Variants in ADAMTS9 observed in about 807,000 individuals in gnomAD.
The protein encoded by ADAMTS9 is ADAM metallopeptidase with thrombospondin type 1 motif 9.
A neutral mutation model predicts 257.1 loss-of-function variants in ADAMTS9; 107 were observed. The observed-to-expected ratio is 0.42, with a 90% confidence interval of 0.36 to 0.49. The LOEUF (loss-of-function observed/expected upper bound fraction) is 0.49, where lower values mean the gene tolerates loss of function less well. Ranked by LOEUF, ADAMTS9 falls within the 20% of genes least tolerant of loss-of-function variation. The pLI, the probability that ADAMTS9 is intolerant of heterozygous loss-of-function variation, is 0.03. For synonymous variants in ADAMTS9, 982 were observed against 880.9 expected (o/e 1.11, Z -2.03); for missense variants, 2,353 against 2,469.1 (o/e 0.95, Z 1.00).
chr3:64,546,624 C>T (rs922039870), intron 32 of ADAMTS9, 134 bp downstream of exon 32: 1 of 907,620 alleles, frequency 1.1e-6, no homozygotes, highest in Non-Finnish European at 1.6e-6. Flanking sequence ...TCCCTGTTAG[C>T]CCATTTCAAG....
chr3:64,622,687 G>A, intron 16 of ADAMTS9, 101 bp from the exon 17 acceptor site: 1 of 1,314,830 alleles, frequency 7.6e-7, no homozygotes, highest in Non-Finnish European at 1.0e-6. Context: ...GCTGTGCACG[G>A]AATGGGGACT....
At chr3:64,622,875 G>C (rs765007340) in intron 16 of ADAMTS9, among the ~76,000 whole-genome samples, 3 of 152,084 alleles carry the variant, frequency 2.0e-5, no homozygotes, top group Admixed American at 2.0e-4. Flanking sequence ...AATAAACCTT[G>C]ATCTTGTTAT....
At chr3:64,543,928 T>A (rs2083161959) in intron 32 of ADAMTS9, among the ~76,000 whole-genome samples, 1 of 152,218 alleles carries the variant, frequency 6.6e-6, no homozygotes, top group Admixed American at 6.5e-5. Context: ...AGTCTCCGGA[T>A]ACAAATACAA....
chr3:64,580,948 T>C (rs1429362997), intron 28 of ADAMTS9, among the ~76,000 whole-genome samples: 1 of 152,208 alleles, frequency 6.6e-6, no homozygotes, highest in African/African-American at 2.4e-5. Context: ...ACATGGGGCT[T>C]TGGAGTCCAT....
Position 64,548,383 on chromosome 3 carries a change from G to A in ADAMTS9, c.4870-1431C>T, listed in dbSNP as rs542166546. Among the ~76,000 whole-genome samples the A allele has an allele frequency of 3.3e-5, 5 of 152,282 alleles. 1 individual carries two copies. Among genetic ancestry groups the A allele is most frequent in the African/African-American group, 1.2e-4 (5 of 41,568 alleles). On this transcript the variant is annotated intron_variant, in intron 31 of 39. Transcript: ENST00000498707. ...TGTTTGAAGGCCAAGTTGACGCCAG[G>A]CCAGGAAAGTGTAAGGCCAGCCCGG...
chr3:64,681,513 T>C (rs1056733412), intron 2 of ADAMTS9, 150 bp from the exon 3 acceptor site: 1 of 709,106 alleles, frequency 1.4e-6, no homozygotes, highest in Middle Eastern at 2.8e-4. Flanking sequence ...CTGCAACATA[T>C]GCGGAGAAGT....
intron 2 of ADAMTS9, among the ~76,000 whole-genome samples, chr3:64,681,753 C>T (rs113747820): frequency 6.6e-6 from 1 of 152,066 alleles, no homozygotes; most frequent in African/African-American, 2.4e-5. Flanking sequence ...ATATGTTGCC[C>T]AGGCTCAATA....
At chr3:64,655,131 T>C (rs1701030648) in intron 6 of ADAMTS9, among the ~76,000 whole-genome samples, 1 of 152,226 alleles carries the variant, frequency 6.6e-6, no homozygotes, top group African/African-American at 2.4e-5. Flanking sequence ...TTTTCTGGCT[T>C]TTGCAAAATC....
chr3:64,676,867 G>A (rs1281079590), intron 3 of ADAMTS9, among the ~76,000 whole-genome samples: 3 of 152,192 alleles, frequency 2.0e-5, no homozygotes, highest in Non-Finnish European at 4.4e-5. Flanking sequence ...GAGATGGGAA[G>A]GTGAGGGAGA....
In ADAMTS9 at chr3:64,644,637, G is replaced by A. The variant is rs566375985; in HGVS notation, c.1711-2644C>T. Among the ~76,000 whole-genome samples, 39 of 152,272 alleles carry A rather than the reference G, an allele frequency of 2.6e-4. 2 individuals carry two copies. Among genetic ancestry groups the A allele is most frequent in the South Asian group, 2.3e-3 (11 of 4,826 alleles). On this transcript the variant is annotated intron_variant, in intron 11 of 39. Coordinates refer to ENST00000498707, the MANE Select transcript of ADAMTS9 (RefSeq NM_182920.2). ...TTTGAACTCTTTGGCTTCATTCTGC[G>A]GGGAAGTCAGACTCCATGGCTGGAG...
intron 20 of ADAMTS9, among the ~76,000 whole-genome samples, 168 bp downstream of exon 20, chr3:64,615,792 A>T (rs919892872): frequency 6.6e-6 from 1 of 152,154 alleles, no homozygotes; most frequent in Non-Finnish European, 1.5e-5. Flanking sequence ...GACATTACAA[A>T]TCAACCATGC....
chr3:64,656,537 T>A (rs1701074656), intron 4 of ADAMTS9, among the ~76,000 whole-genome samples: 1 of 152,118 alleles, frequency 6.6e-6, no homozygotes. Context: ...AGAAATTAAG[T>A]CACTTGTCTG....
In ADAMTS9 at chr3:64,522,231, A is replaced by G. The variant is rs2082862576; in HGVS notation, c.5748T>C (p.Gly1916=). Residue 1916 remains glycine, a synonymous_variant, in exon 39 of 40, where the codon GGT becomes GGC. Transcript: ENST00000498707. ...PDGTRVVGKC[G]GYCGKCTPSS... ...ATGGAGTGCATTTTCCACAGTAACC[A>G]CCGCATTTCCCTACGACTCGGGTAC... The G allele has an allele frequency of 6.2e-7, 1 of 1,613,874 alleles. No individual in the cohort carries two copies. Among genetic ancestry groups the G allele is most frequent in the Non-Finnish European group, 8.5e-7 (1 of 1,179,952 alleles).
rs538703809 is a variant in ADAMTS9, at chr3:64,677,712, C to A, written c.679+3489G>T. Among the ~76,000 whole-genome samples the A allele has an allele frequency of 1.0e-3, 154 of 152,254 alleles. 2 individuals are homozygous for A. Among genetic ancestry groups the A allele is most frequent in the African/African-American group, 3.4e-3 (143 of 41,548 alleles). On this transcript the variant is annotated intron_variant, in intron 3 of 39. Transcript: ENST00000498707. ...TTCATTATTTCATACTCATTTAGCC[C>A]TAACTTCAATCTTGAAAGGTACATG...
At chr3:64,591,664 A>G (rs972598204) in intron 28 of ADAMTS9, among the ~76,000 whole-genome samples, 1 of 152,128 alleles carries the variant, frequency 6.6e-6, no homozygotes, top group African/African-American at 2.4e-5. Context: ...AAGCTATATT[A>G]ATAGTGATTT....
chr3:64,580,381 G>A (rs966764005), intron 28 of ADAMTS9, among the ~76,000 whole-genome samples: 2 of 152,094 alleles, frequency 1.3e-5, no homozygotes, highest in Admixed American at 1.3e-4. Flanking sequence ...ATTTTGTAAA[G>A]TGAATTTGAT....
chr3:64,555,939 C>T (rs1388562849), intron 30 of ADAMTS9, among the ~76,000 whole-genome samples: 3 of 152,104 alleles, frequency 2.0e-5, no homozygotes, highest in Non-Finnish European at 4.4e-5. Flanking sequence ...GATTGATAAA[C>T]GCTGGTTGAA....
In ADAMTS9 at chr3:64,656,150, G is replaced by T. The variant is rs1701064200; in HGVS notation, c.970-275C>A. The T allele has an allele frequency of 1.1e-5, 3 of 274,820 alleles. No individual in the cohort carries two copies. In the East Asian group the frequency reaches 2.3e-4, roughly 21 times the overall value. The allele number at this position is 274,820 out of a possible 1,614,324, so 17.0% of individuals were successfully genotyped here. ...TAACAGTTCTCTGTACCAGAACACT[G>T]GATATTAATTTTCCATCAAGCTCTT... On this transcript the variant is annotated intron_variant, in intron 4 of 39. Transcript: ENST00000498707.
intron 38 of ADAMTS9, among the ~76,000 whole-genome samples, chr3:64,525,172 C>T (rs531526820): frequency 1.3e-4 from 20 of 152,212 alleles, no homozygotes; most frequent in Non-Finnish European, 2.6e-4. Flanking sequence ...TGGCTCATAA[C>T]GATACGAAAT....
Sources: allele counts gnomAD v4.1 joint callset (sites outside exome capture counted in the v4.1 genomes callset), GRCh38; gene constraint gnomAD v4.1.1; transcripts MANE v1.5; gene names NCBI Gene and HGNC (gene_info 2026-07-23, HGNC 2026-07-21).